ANO6: variants seen among roughly 807,000 people sequenced by gnomAD.
The protein encoded by ANO6 is anoctamin-6.
ANO6 carries 106 observed loss-of-function variants against 117.5 expected under a neutral mutation model. The observed-to-expected ratio is 0.90, with a 90% CI of 0.77 to 1.06. The LOEUF (loss-of-function observed/expected upper bound fraction) is 1.06, where lower values mean the gene tolerates loss of function less well. Among genes scored for constraint, ANO6 ranks in the 50% least tolerant of loss-of-function variants. The probability of loss-of-function intolerance (pLI) is 0.00; values close to 1 mark genes in which losing one functional copy is unlikely to be tolerated. For synonymous variants in ANO6, 367 were observed against 385.1 expected (o/e 0.95, Z 0.55); for missense variants, 955 against 1,121.1 (o/e 0.85, Z 2.12).
At chr12:45,293,729 GTTTTTTTTTTT>G (rs138396024) in intron 1 of ANO6, among the ~76,000 whole-genome samples, 11 of 48,406 alleles carry the variant, frequency 2.3e-4, no homozygotes, top group Admixed American at 1.0e-3. Flanking sequence ...CCTGGCTAAT[GTTTTTTTTTTT>G]TTTTTTTTTT....
At chr12:45,287,173 G>A (rs1425715682) in intron 1 of ANO6, among the ~76,000 whole-genome samples, 2 of 152,216 alleles carry the variant, frequency 1.3e-5, no homozygotes, top group African/African-American at 4.8e-5. Context: ...CTCTAGGGCT[G>A]CTTAAATTAG....
At chr12:45,359,499 A>T (rs1048251160) in intron 8 of ANO6, among the ~76,000 whole-genome samples, 1 of 152,160 alleles carries the variant, frequency 6.6e-6, no homozygotes, top group Non-Finnish European at 1.5e-5. Context: ...TCCTGTTTCT[A>T]TGGATTTGCC....
Position 45,424,023 on chromosome 12 carries a change from C to CT in ANO6, c.2526+975dup, listed in dbSNP as rs56964611. ...TGGATTTTTGGTACTTATACTAGTTCTTTTTTTTTTTTTTAAATAGCTACC... is the reference window on the plus strand; with the variant it reads ...TGGATTTTTGGTACTTATACTAGTTCTTTTTTTTTTTTTTTAAATAGCTACC... On this transcript the variant is annotated intron_variant, in intron 19 of 19. Coordinates refer to ENST00000320560, the MANE Select transcript of ANO6 (RefSeq NM_001025356.3). Among the ~76,000 whole-genome samples, 186 of 142,102 alleles carry CT rather than the reference C, an allele frequency of 1.3e-3. 1 individual carries two copies. Among genetic ancestry groups the CT allele is most frequent in the South Asian group, 6.1e-3 (27 of 4,444 alleles). 93.2% of individuals were successfully genotyped at this position (142,102 alleles called of 152,430 possible).
intron 10 of ANO6, among the ~76,000 whole-genome samples, chr12:45,384,183 C>T (rs1341887835): frequency 6.6e-6 from 1 of 152,200 alleles, no homozygotes; most frequent in Non-Finnish European, 1.5e-5. Flanking sequence ...GCTTCCTCAC[C>T]TCTCTCAGCC....
chr12:45,244,394 T>G (rs894546619), intron 1 of ANO6, among the ~76,000 whole-genome samples: 1 of 119,692 alleles, frequency 8.4e-6, no homozygotes, highest in Non-Finnish European at 1.7e-5. Flanking sequence ...TACATAGGGC[T>G]TCTCTATTTG....
At chr12:45,258,276 A>G (rs1387035840) in intron 1 of ANO6, among the ~76,000 whole-genome samples, 1 of 152,238 alleles carries the variant, frequency 6.6e-6, no homozygotes, top group African/African-American at 2.4e-5. Flanking sequence ...GCAAAATCAA[A>G]GTAGAATACA....
At chr12:45,390,396 T>A (rs758504968) in intron 11 of ANO6, 25 bp from the exon 12 acceptor site, 1 of 1,582,086 alleles carries the variant, frequency 6.3e-7, no homozygotes, top group Non-Finnish European at 8.7e-7. Flanking sequence ...CTTGATTGAC[T>A]AAACTTTTTT....
intron 12 of ANO6, among the ~76,000 whole-genome samples, chr12:45,398,356 T>C (rs1020728695): frequency 6.6e-6 from 1 of 152,234 alleles, no homozygotes; most frequent in Non-Finnish European, 1.5e-5. Context: ...TTTCACCTCT[T>C]GAATGATAGG....
intron 7 of ANO6, among the ~76,000 whole-genome samples, chr12:45,356,673 G>A (rs1268210810): frequency 6.6e-6 from 1 of 152,106 alleles, no homozygotes; most frequent in East Asian, 1.9e-4. Flanking sequence ...TGAGGAGGAG[G>A]AAAAAGAGTA....
Position 45,409,460 on chromosome 12 carries a change from G to C in ANO6, c.1984G>C (p.Gly662Arg). ...DYHLQPMGKLGLFYEYLEMII... is the reference protein window; with the variant it reads ...DYHLQPMGKLRLFYEYLEMII... Reference sequence around the variant, plus strand: ...CCATCTGCAGCCTATGGGCAAACTGGGATTATTTTATGAATATCTTGAAAT... The same window carrying C: ...CCATCTGCAGCCTATGGGCAAACTGCGATTATTTTATGAATATCTTGAAAT... Residue 662 changes from glycine (G) to arginine (R), a missense_variant, in exon 16 of 20, where the codon GGA becomes CGA. Gly to Arg is a moderately radical substitution (Grantham distance 125). Transcript: ENST00000320560. 6.2e-7 allele frequency: 1 copy of C among 1,613,772 alleles called. No homozygotes were observed. Among genetic ancestry groups the C allele is most frequent in the Non-Finnish European group, 8.5e-7 (1 of 1,179,874 alleles).
intron 8 of ANO6, among the ~76,000 whole-genome samples, chr12:45,365,762 A>G (rs1941668195): frequency 6.6e-6 from 1 of 152,218 alleles, no homozygotes; most frequent in Non-Finnish European, 1.5e-5. Context: ...CATCATTCTT[A>G]TAGAGATTTA....
At chr12:45,296,514 G>GT (rs761970767) in intron 1 of ANO6, among the ~76,000 whole-genome samples, 2 of 151,644 alleles carry the variant, frequency 1.3e-5, no homozygotes, top group Non-Finnish European at 2.9e-5. Flanking sequence ...TCACTACATT[G>GT]TTTTTTTCTT....
intron 1 of ANO6, among the ~76,000 whole-genome samples, chr12:45,272,186 G>GTTTTTT (rs5797936): frequency 1.3e-5 from 2 of 148,864 alleles, no homozygotes. Context: ...ACCTTTTTGG[G>GTTTTTT]TTTTTTTTTC....
intron 8 of ANO6, 89 bp downstream of exon 8, chr12:45,357,513 A>G: frequency 6.8e-7 from 1 of 1,471,400 alleles, no homozygotes; most frequent in South Asian, 1.1e-5. Context: ...TGGTAAGACA[A>G]GACTGACTGC....
rs199537120 is a variant in ANO6 at position 45,363,225 on chromosome 12, GTT to G, written c.999-4460_999-4459del. Among the ~76,000 whole-genome samples, 1,058 of 152,214 alleles carry G rather than the reference GTT, an allele frequency of 7.0e-3. 20 individuals carry two copies. The highest frequency in any genetic ancestry group is 0.024 in the African/African-American group (1,004 of 41,532). ...TGAATATTATGTCAGCACTTGAAAA[GTT>G]TTAGATTTTGGACCATTTCAGATTC... On this transcript the variant is annotated intron_variant, in intron 8 of 19. Transcript: ENST00000320560.
At chr12:45,435,601 A>G (rs1316765227), downstream of ANO6, among the ~76,000 whole-genome samples, 1 of 152,212 alleles carries the variant, frequency 6.6e-6, no homozygotes, top group African/African-American at 2.4e-5. Context: ...TAAAAACTGA[A>G]GGTTTTAATC....
At chr12:45,439,712 T>C in exon 20 of ANO6, 1 of 1,532,032 alleles carries the variant, frequency 6.5e-7, no homozygotes, top group Non-Finnish European at 8.8e-7. Context: ...CACAGTGGCA[T>C]GATCTTGGCT....
At chr12:45,262,745 G>A (rs775616808) in intron 1 of ANO6, among the ~76,000 whole-genome samples, 10 of 152,138 alleles carry the variant, frequency 6.6e-5, no homozygotes, top group Non-Finnish European at 4.4e-5. Flanking sequence ...TTCATCATCA[G>A]CACTCCCTAT....
chr12:45,282,631 G>A (rs537105031), intron 1 of ANO6, among the ~76,000 whole-genome samples: 4 of 152,334 alleles, frequency 2.6e-5, no homozygotes, highest in Admixed American at 1.3e-4. Context: ...TGGTAGAGGA[G>A]TGCCAGCGTA....
Sources: gnomAD v4.1 joint callset for allele counts (sites outside exome capture counted in the v4.1 genomes callset) on GRCh38, gnomAD v4.1.1 for gene constraint, MANE v1.5 for transcripts, NCBI Gene and HGNC (gene_info 2026-07-23, HGNC 2026-07-21) for gene names.